Variants in TLL2 observed in about 807,000 individuals in gnomAD.
TLL2 encodes the protein tolloid-like protein 2.
In TLL2, 106 loss-of-function variants were observed where a neutral mutation model predicts 123.0. That is an observed-to-expected ratio of 0.86 (90% CI 0.74 to 1.01). TLL2 has a LOEUF of 1.01. Among genes scored for constraint, TLL2 ranks in the 50% least tolerant of loss-of-function variants. The pLI, the probability that TLL2 is intolerant of heterozygous loss-of-function variation, is 0.00. For missense variants in TLL2, 1,332 were observed against 1,336.7 expected, an observed-to-expected ratio of 1.00 and a Z score of 0.06; for synonymous variants, 494 against 516.8, an observed-to-expected ratio of 0.96 and a Z score of 0.60.
chr10:96,495,714 G>A (rs955840355), intron 1 of TLL2, among the ~76,000 whole-genome samples: 2 of 152,118 alleles, frequency 1.3e-5, no homozygotes, highest in African/African-American at 4.8e-5. Context: ...TGGAGGAGAG[G>A]AAACAGGCGA....
chr10:96,470,486 C>T (rs970854228), intron 2 of TLL2, among the ~76,000 whole-genome samples: 1 of 152,224 alleles, frequency 6.6e-6, no homozygotes, highest in Non-Finnish European at 1.5e-5. Flanking sequence ...CGGGCAGATG[C>T]TGAATAAATA....
At chr10:96,379,542 C>G (rs112153157) in intron 16 of TLL2, among the ~76,000 whole-genome samples, 16,073 of 152,210 alleles carry the variant, frequency 0.11, 912 homozygotes, top group South Asian at 0.15. Flanking sequence ...AGGAAACTGG[C>G]CAGGCATGGT....
At chr10:96,394,242 T>C (rs1025927852) in intron 13 of TLL2, among the ~76,000 whole-genome samples, 4 of 151,794 alleles carry the variant, frequency 2.6e-5, no homozygotes, top group African/African-American at 9.7e-5. Flanking sequence ...GGAAGTGGGG[T>C]CACTGATTAA....
At chr10:96,494,585 G>A (rs984963772) in intron 1 of TLL2, among the ~76,000 whole-genome samples, 38 of 152,300 alleles carry the variant, frequency 2.5e-4, no homozygotes, top group African/African-American at 8.9e-4. Context: ...CTACACTAAG[G>A]CATGGTTTAT....
In TLL2 at chr10:96,395,192, A is replaced by G; in HGVS notation, c.1721T>C (p.Phe574Ser). ...AACAAACTGCTAATTCATACCCTTG[A>G]AAAAATTGGCTGCAAAGCCCGCTTT... ...INKAGFAANF[F>S]KEVDECSWPD... The change falls in exon 13 of 21, where the codon TTC becomes TCC. Residue 574 changes from phenylalanine (F) to serine (S), a missense_variant. By Grantham distance (155) the Phe-to-Ser change is radical. Transcript: ENST00000357947. The G allele has an allele frequency of 6.2e-7, 1 of 1,602,426 alleles. No homozygotes were observed. The highest frequency in any genetic ancestry group is 1.1e-5 in the South Asian group (1 of 88,744).
At chr10:96,402,061 G>GGAT (rs1312928057) in intron 10 of TLL2, among the ~76,000 whole-genome samples, 5 of 152,124 alleles carry the variant, frequency 3.3e-5, no homozygotes, top group Non-Finnish European at 7.3e-5. Context: ...TAAAAGTGTG[G>GGAT]GATTAAGTGA....
intron 1 of TLL2, among the ~76,000 whole-genome samples, chr10:96,491,580 T>G (rs1847413968): frequency 6.6e-6 from 1 of 152,158 alleles, no homozygotes; most frequent in Non-Finnish European, 1.5e-5. Flanking sequence ...AGGAAAAATG[T>G]TTTTTGGAAA....
intron 1 of TLL2, among the ~76,000 whole-genome samples, chr10:96,489,116 C>G (rs1299602556): frequency 6.6e-6 from 1 of 152,222 alleles, no homozygotes; most frequent in Non-Finnish European, 1.5e-5. Flanking sequence ...TCATGGCACA[C>G]ATTTGCCATC....
At chr10:96,472,649 C>A (rs1208018512) in intron 2 of TLL2, among the ~76,000 whole-genome samples, 7 of 152,028 alleles carry the variant, frequency 4.6e-5, no homozygotes, top group Non-Finnish European at 8.8e-5. Flanking sequence ...GTGGTTCCAG[C>A]TACTCAGGAG....
chr10:96,439,453 G>T (rs531845311), intron 3 of TLL2, among the ~76,000 whole-genome samples: 4 of 151,964 alleles, frequency 2.6e-5, no homozygotes, highest in Non-Finnish European at 5.9e-5. Flanking sequence ...TCTGCCTTAT[G>T]CCCCTTGGCT....
chr10:96,403,754 C>G (rs1160164011), intron 10 of TLL2, among the ~76,000 whole-genome samples: 1 of 139,170 alleles, frequency 7.2e-6, no homozygotes, highest in East Asian at 2.6e-4. Context: ...TAGAGGAAGA[C>G]CACTGTCCCC....
At position 96,410,411 on chromosome 10, in the gene TLL2, T is replaced by G. The variant is rs201334249; in HGVS notation, c.1112A>C (p.Tyr371Ser). The G allele has an allele frequency of 2.8e-5, 45 of 1,613,920 alleles. No homozygotes were observed. The highest frequency in any genetic ancestry group is 1.0e-4 in the Admixed American group (6 of 59,998). ...NFSAPGFPNG[Y>S]PSYSHCVWRI... Reference sequence around the variant, plus strand: ...CCAGACGCAGTGGGAGTAAGATGGGTACCCATTTGGGAAACCAGGTGCAGA... The same window carrying G: ...CCAGACGCAGTGGGAGTAAGATGGGGACCCATTTGGGAAACCAGGTGCAGA... Residue 371 changes from tyrosine (Y) to serine (S), a missense_variant, in exon 9 of 21, where the codon TAC becomes TCC. Transcript: ENST00000357947.
chr10:96,381,334 C>T (rs939339706), intron 16 of TLL2, among the ~76,000 whole-genome samples: 1 of 152,192 alleles, frequency 6.6e-6, no homozygotes, highest in Non-Finnish European at 1.5e-5. Flanking sequence ...TCATCGGGTC[C>T]CTACTCTTCA....
At chr10:96,486,816 C>A (rs1419987399) in intron 1 of TLL2, among the ~76,000 whole-genome samples, 1 of 152,240 alleles carries the variant, frequency 6.6e-6, no homozygotes, top group East Asian at 1.9e-4. Flanking sequence ...GCAGCGGGGG[C>A]CGCTCTGCAG....
intron 3 of TLL2, among the ~76,000 whole-genome samples, chr10:96,439,432 C>T (rs1270526649): frequency 1.3e-5 from 2 of 149,956 alleles, no homozygotes; most frequent in East Asian, 2.0e-4. Context: ...TTGCCTGGGT[C>T]TCTCTCTCTC....
rs775989194 is a variant in TLL2, at chr10:96,410,452, G to A, written c.1071C>T (p.Asp357=). Residue 357 remains aspartate, a synonymous_variant, in exon 9 of 21, where the codon GAC becomes GAT. Transcript: ENST00000357947. ...CAGGTGCAGAAAAGTTTCCCGTTGT[G>A]TCCTGCAGGGTCTCCCCACACGCTG... is the stretch of plus-strand genomic sequence containing the variant. ...KCPACGETLQ[D]TTGNFSAPGF... is the part of the protein sequence containing the mutation. 7 of 1,613,886 alleles carry A rather than the reference G, an allele frequency of 4.3e-6. No homozygotes were observed. The East Asian group carries it at 1.6e-4, about 36-fold the overall frequency.
intron 16 of TLL2, among the ~76,000 whole-genome samples, chr10:96,383,741 C>T (rs1037959436): frequency 2.0e-5 from 3 of 152,180 alleles, no homozygotes; most frequent in African/African-American, 4.8e-5. Flanking sequence ...CTGCTTCAGC[C>T]TCACGAGTAG....
intron 7 of TLL2, among the ~76,000 whole-genome samples, chr10:96,416,365 G>A (rs575670611): frequency 3.9e-5 from 6 of 152,240 alleles, no homozygotes; most frequent in African/African-American, 1.4e-4. Flanking sequence ...AGGACTTTCC[G>A]ATGTGCCAGG....
intron 2 of TLL2, among the ~76,000 whole-genome samples, chr10:96,461,411 C>G (rs1847080905): frequency 6.6e-6 from 1 of 152,148 alleles, no homozygotes; most frequent in African/African-American, 2.4e-5. Context: ...CAAAGATCTT[C>G]CACACATGGA....
Sources: gnomAD v4.1 joint callset for allele counts (sites outside exome capture counted in the v4.1 genomes callset) on GRCh38, gnomAD v4.1.1 for gene constraint, MANE v1.5 for transcripts, NCBI Gene and HGNC (gene_info 2026-07-23, HGNC 2026-07-21) for gene names.